The following ZZEF1 variants were observed in gnomAD, a reference collection of about 807,000 sequenced individuals.
ZZEF1 encodes the protein zinc finger ZZ-type and EF-hand domain containing 1.
A neutral mutation model predicts 342.8 loss-of-function variants in ZZEF1; 157 were observed. The ratio of observed to expected loss-of-function variants is 0.46; its 90% confidence interval spans 0.40 to 0.52. The LOEUF (loss-of-function observed/expected upper bound fraction) is 0.52, where lower values mean the gene tolerates loss of function less well. ZZEF1 is among the 20% of genes least tolerant of loss of function. The pLI, the probability that ZZEF1 is intolerant of heterozygous loss-of-function variation, is 0.00. For missense variants in ZZEF1, 3,480 were observed against 3,725.6 expected (o/e 0.93, Z 1.72); for synonymous variants, 1,505 against 1,429.1 (o/e 1.05, Z -1.20).
intron 12 of ZZEF1, among the ~76,000 whole-genome samples, chr17:4,090,208 C>T (rs1427020657): frequency 9.5e-6 from 1 of 105,604 alleles, no homozygotes; most frequent in African/African-American, 3.7e-5. Context: ...CAGCCTGAGA[C>T]GCCCTCCTCC....
At chr17:4,049,966 T>G (rs907056172) in intron 36 of ZZEF1, 107 bp from the exon 37 acceptor site, 30 of 1,310,614 alleles carry the variant, frequency 2.3e-5, no homozygotes, top group Non-Finnish European at 3.1e-5. Flanking sequence ...ATAAATGAGT[T>G]CTGCACAAAC....
At chr17:4,043,750 C>T (rs1235681258) in intron 38 of ZZEF1, among the ~76,000 whole-genome samples, 1 of 152,234 alleles carries the variant, frequency 6.6e-6, no homozygotes, top group African/African-American at 2.4e-5. Flanking sequence ...ATCCCTATTG[C>T]AGATCCTAGC....
At chr17:4,088,182 T>C (rs1193336024) in intron 13 of ZZEF1, among the ~76,000 whole-genome samples, 2 of 152,154 alleles carry the variant, frequency 1.3e-5, no homozygotes, top group African/African-American at 4.8e-5. Context: ...GTAAGAATCT[T>C]CCTTTGAGTG....
intron 1 of ZZEF1, among the ~76,000 whole-genome samples, chr17:4,125,342 C>T (rs979435130): frequency 6.6e-6 from 1 of 152,178 alleles, no homozygotes; most frequent in African/African-American, 2.4e-5. Context: ...TTTCTCTCCT[C>T]CATGAAATAG....
chr17:4,057,195 C>A (rs1018148435), intron 32 of ZZEF1, among the ~76,000 whole-genome samples: 1 of 152,192 alleles, frequency 6.6e-6, no homozygotes, highest in Admixed American at 6.5e-5. Context: ...CGAGAAACCG[C>A]GAGCAGGCCC....
At chr17:4,102,755 AT>A (rs1435926452) in intron 8 of ZZEF1, among the ~76,000 whole-genome samples, 1 of 152,208 alleles carries the variant, frequency 6.6e-6, no homozygotes, top group African/African-American at 2.4e-5. Context: ...TTTGGAGCCA[AT>A]AATTAACTTT....
At chr17:4,031,383 A>G (rs922232844) in intron 42 of ZZEF1, among the ~76,000 whole-genome samples, 1 of 151,360 alleles carries the variant, frequency 6.6e-6, no homozygotes, top group African/African-American at 2.4e-5. Flanking sequence ...GTAGTACTGA[A>G]GTAAGGACAT....
At chr17:4,025,255 C>A in intron 42 of ZZEF1, 137 bp from the exon 43 acceptor site, 1 of 806,252 alleles carries the variant, frequency 1.2e-6, no homozygotes, top group Non-Finnish European at 1.9e-6. Context: ...CAGTCTTAGC[C>A]AATAAAGCCA....
At chr17:4,032,766 T>G in intron 41 of ZZEF1, 62 bp downstream of exon 41, 1 of 1,552,606 alleles carries the variant, frequency 6.4e-7, no homozygotes, top group Non-Finnish European at 8.8e-7. Flanking sequence ...CACAGAGGCT[T>G]TGGTGTGTAT....
At chr17:4,099,212 G>C (rs1354506005) in intron 9 of ZZEF1, among the ~76,000 whole-genome samples, 4 of 151,954 alleles carry the variant, frequency 2.6e-5, no homozygotes, top group African/African-American at 9.7e-5. Context: ...CAGCTCACGT[G>C]GTTTTTTTCA....
chr17:4,103,895 G>C (rs1303474358), intron 8 of ZZEF1, among the ~76,000 whole-genome samples: 1 of 152,156 alleles, frequency 6.6e-6, no homozygotes, highest in Non-Finnish European at 1.5e-5. Flanking sequence ...ACTCCAATCT[G>C]TGCAACACAG....
chr17:4,095,956 G>T lies in ZZEF1; in HGVS notation c.1788C>A (p.Ala596=). 6.2e-7 allele frequency: 1 copy of T among 1,610,638 alleles called. No homozygotes were observed. The highest frequency in any genetic ancestry group is 8.5e-7 in the Non-Finnish European group (1 of 1,177,872). ...RIMVRRGGIG[A]QCGLVFAYNS... is the part of the protein sequence containing the mutation. ...TATAGGCAAACACCAACCCACACTG[G>T]GCACCAATGCCACCACGTCGAACCT... The change falls in exon 11 of 55, where the codon GCC becomes GCA. Residue 596 remains alanine, a synonymous_variant. Coordinates refer to ENST00000381638, the MANE Select transcript of ZZEF1 (RefSeq NM_015113.4).
rs796676092 is a variant in ZZEF1 at position 4,018,657 on chromosome 17, G to T, written c.7506-686C>A. On this transcript the variant is annotated intron_variant, in intron 46 of 54. Coordinates refer to ENST00000381638, the MANE Select transcript of ZZEF1 (RefSeq NM_015113.4). ...GCAGTCTGAACAGGTGGACGACTCT[G>T]GCCGAAACTCGGTGGCCCTTCTCTC... Among the ~76,000 whole-genome samples the T allele has an allele frequency of 2.0e-5, 3 of 152,280 alleles. No individual in the cohort carries two copies. The South Asian group carries it at 6.2e-4, about 32-fold the overall frequency.
chr17:4,026,516 T>C (rs984649928), intron 42 of ZZEF1, among the ~76,000 whole-genome samples: 1 of 151,742 alleles, frequency 6.6e-6, no homozygotes, highest in East Asian at 1.9e-4. Flanking sequence ...AAACATCTTT[T>C]TTTTTTCTTT....
chr17:4,093,750 T>G (rs1328086270), intron 11 of ZZEF1, among the ~76,000 whole-genome samples: 1 of 152,184 alleles, frequency 6.6e-6, no homozygotes, highest in East Asian at 1.9e-4. Flanking sequence ...AGCAATCCAC[T>G]ACCCATGAAA....
In ZZEF1 at chr17:4,039,641, C is replaced by CTTTT. The variant is rs1166970366; in HGVS notation, c.6306+2784_6306+2787dup. 7.9e-4 allele frequency among the ~76,000 whole-genome samples: 94 copies of CTTTT among 119,560 alleles called. 3 individuals carry two copies. Among genetic ancestry groups the CTTTT allele is most frequent in the African/African-American group, 2.7e-3 (79 of 29,562 alleles). 78.4% of individuals were successfully genotyped at this position (119,560 alleles called of 152,430 possible). Reference sequence around the variant, plus strand: ...GCTGGGAAGGCACATAGAAAGAGAACTTTTTTTTTTTTTTTTTTTTGAGAC... The same window carrying CTTTT: ...GCTGGGAAGGCACATAGAAAGAGAACTTTTTTTTTTTTTTTTTTTTTTTTGAGAC... On this transcript the variant is annotated intron_variant, in intron 39 of 54. Transcript: ENST00000381638.
At chr17:4,070,282 C>T (rs1211403657) in intron 26 of ZZEF1, among the ~76,000 whole-genome samples, 1 of 152,158 alleles carries the variant, frequency 6.6e-6, no homozygotes, top group Non-Finnish European at 1.5e-5. Context: ...AATGTTAGAG[C>T]GAATCACCCT....
intron 28 of ZZEF1, among the ~76,000 whole-genome samples, chr17:4,065,619 G>A (rs1380200532): frequency 3.3e-5 from 5 of 152,026 alleles, no homozygotes; most frequent in African/African-American, 7.2e-5. Context: ...CTCAGCTTCC[G>A]TCATTATTAA....
In ZZEF1 at chr17:4,017,249, C is replaced by T. The variant is rs1436307602; in HGVS notation, c.8001+122G>A. 1.4e-6 allele frequency: 2 copies of T among 1,381,538 alleles called. No homozygotes were observed. The highest frequency in any genetic ancestry group is 1.9e-6 in the Non-Finnish European group (2 of 1,027,338). The allele number at this position is 1,381,538 out of a possible 1,614,324, so 85.6% of individuals were successfully genotyped here. The stretch of plus-strand genomic sequence containing the variant: ...AGTGACCCTACCTTTGCTGCATTCA[C>T]ACCTGTCAGGGAGCTGCACAGCCAC... On this transcript the variant is annotated intron_variant, in intron 48 of 54. Transcript: ENST00000381638. This position sits in a 1 kb window ranked among gnomAD's most constrained non-coding sequence, Gnocchi z 5.1.
Sources: allele counts gnomAD v4.1 joint callset (sites outside exome capture counted in the v4.1 genomes callset), GRCh38; gene constraint gnomAD v4.1.1; non-coding constraint Gnocchi (gnomAD v3.1); transcripts MANE v1.5; gene names NCBI Gene and HGNC (gene_info 2026-07-23, HGNC 2026-07-21).